PAH: variants seen among roughly 807,000 people sequenced by gnomAD.
PAH encodes the protein phenylalanine hydroxylase.
Under a neutral mutation model 62.0 loss-of-function variants are expected in PAH, and 64 were observed. The observed-to-expected ratio is 1.03, with a 90% CI of 0.84 to 1.27. PAH has a LOEUF of 1.27. PAH is among the 50% of genes most tolerant of loss of function. The pLI, the probability that PAH is intolerant of heterozygous loss-of-function variation, is 0.00. For synonymous variants in PAH, 195 were observed against 196.2 expected (o/e 0.99, Z 0.05); for missense variants, 579 against 542.8 (o/e 1.07, Z -0.66).
At position 102,957,514 on chromosome 12, in the gene PAH, G is replaced by A. The variant is rs924967696; in HGVS notation, c.-96+681C>T. Among the ~76,000 whole-genome samples, 5 of 151,176 alleles carry A rather than the reference G, an allele frequency of 3.3e-5. No homozygotes were observed. Among genetic ancestry groups the A allele is most frequent in the Non-Finnish European group, 5.9e-5 (4 of 67,720 alleles). Reference sequence around the variant, plus strand: ...GAGGGGGGGAGAGGAGAGGAGGAGGGGGAGTTTAGGGAGTGGGTGGGAGGA... The same window carrying A: ...GAGGGGGGGAGAGGAGAGGAGGAGGAGGAGTTTAGGGAGTGGGTGGGAGGA... On this transcript the variant is annotated intron_variant, in intron 1 of 4. Transcript: ENST00000551337. This position sits in a 1 kb window ranked among gnomAD's most constrained non-coding sequence, Gnocchi z 4.1.
At position 102,866,704 on chromosome 12, in the gene PAH, G is replaced by A. The variant is rs144652855; in HGVS notation, c.442-41C>T. On this transcript the variant is annotated intron_variant, in intron 4 of 12. Coordinates refer to ENST00000553106, the MANE Select transcript of PAH (RefSeq NM_000277.3). ...CACCTGATTTTTCAAGGCTTCATAG[G>A]AAGAGGTCTGGTACCTTTATGAATG... 11 of 1,495,644 alleles carry A rather than the reference G, an allele frequency of 7.4e-6. No individual in the cohort carries two copies. The African/African-American group carries it at 1.4e-4, about 19-fold the overall frequency. The allele number at this position is 1,495,644 out of a possible 1,614,324, so 92.6% of individuals were successfully genotyped here.
At position 102,866,831 on chromosome 12, in the gene PAH, T is replaced by C. The variant is rs1236652622; in HGVS notation, c.442-168A>G. 2.6e-5 allele frequency among the ~76,000 whole-genome samples: 4 copies of C among 152,332 alleles called. No homozygotes were observed. The East Asian group carries it at 7.7e-4, about 29-fold the overall frequency. ...TAAACTTAGCTCTCCTACCAGATAT[T>C]GTGAGTGACACCTTATTAGTAACTT... On this transcript the variant is annotated intron_variant, in intron 4 of 12. Coordinates refer to ENST00000553106, the MANE Select transcript of PAH (RefSeq NM_000277.3).
At chr12:102,933,066 CG>C (rs1161107965) in intron 1 of PAH, among the ~76,000 whole-genome samples, 3 of 152,128 alleles carry the variant, frequency 2.0e-5, no homozygotes, top group African/African-American at 4.8e-5. Flanking sequence ...AAATACTAGA[CG>C]TTTTTCATTC....
chr12:102,956,740 C>T (rs1433130366), intron 1 of PAH, among the ~76,000 whole-genome samples: 3 of 151,278 alleles, frequency 2.0e-5, no homozygotes, highest in Non-Finnish European at 4.4e-5. Context: ...CGGTAGGGGG[C>T]GATGGTACAG....
chr12:102,848,611 G>C (rs977549312), intron 8 of PAH, among the ~76,000 whole-genome samples: 4 of 150,844 alleles, frequency 2.7e-5, no homozygotes, highest in African/African-American at 9.8e-5. Flanking sequence ...GAGGTTGAGG[G>C]TAGACAAGAC....
rs536605300 is a variant in PAH, at chr12:102,917,119, C to T, written c.12G>A (p.Ala4=). ...TGCCCAAGCCTGGGTTTTCCAGGAC[C>T]GCAGTGGACATGCTGGCTCCCCGGG... MST[A]VLENPGLGRK... The change falls in exon 1 of 13, where the codon GCG becomes GCA. Residue 4 remains alanine (A), a synonymous_variant. Coordinates refer to ENST00000553106, the MANE Select transcript of PAH (RefSeq NM_000277.3). 5.6e-6 allele frequency: 9 copies of T among 1,614,182 alleles called. No homozygotes were observed. Among genetic ancestry groups the T allele is most frequent in the African/African-American group, 5.3e-5 (4 of 75,044 alleles).
chr12:102,947,401 C>A (rs1055132025), intron 1 of PAH, among the ~76,000 whole-genome samples: 2 of 152,086 alleles, frequency 1.3e-5, no homozygotes, highest in Admixed American at 1.3e-4. Context: ...CTTGATACAT[C>A]CATGGAATAT....
In PAH at chr12:102,837,772, C is replaced by T. The variant is rs1266774291; in HGVS notation, c.*1403G>A. On this transcript the variant is annotated 3_prime_UTR_variant, in exon 13 of 13. Coordinates refer to ENST00000553106, the MANE Select transcript of PAH (RefSeq NM_000277.3). ...CTAAAGAAGGGAAACAGCTTATCCACATTGACATCATTGGCAGTGGCAGAC... is the reference window on the plus strand; with the variant it reads ...CTAAAGAAGGGAAACAGCTTATCCATATTGACATCATTGGCAGTGGCAGAC... 5 of 152,318 alleles carry T rather than the reference C, an allele frequency of 3.3e-5. No homozygotes were observed. The highest frequency in any genetic ancestry group is 2.1e-4 in the South Asian group (1 of 4,832). 9.4% of individuals were successfully genotyped at this position (152,318 alleles called of 1,614,324 possible).
At chr12:102,864,350 T>C (rs1875854694) in intron 5 of PAH, among the ~76,000 whole-genome samples, 1 of 152,150 alleles carries the variant, frequency 6.6e-6, no homozygotes, top group South Asian at 2.1e-4. Flanking sequence ...GTTAATCTGA[T>C]TCGCACCAGC....
rs1362535766 is a variant in PAH at position 102,957,252 on chromosome 12, AG to A, written c.-96+942del. On this transcript the variant is annotated intron_variant, in intron 1 of 4. Coordinates refer to the PAH transcript ENST00000551337. The surrounding 1 kb of genome is among the most constrained non-coding windows in gnomAD (Gnocchi z 4.1). ...TCCCTGCGCTTTGCTTCAAGTTCTT[AG>A]TAGAATCCAAGAGAGCTTCACCCCA... Among the ~76,000 whole-genome samples, 1 of 152,100 alleles carries A rather than the reference AG, an allele frequency of 6.6e-6. No homozygotes were observed. Among genetic ancestry groups the A allele is most frequent in the Non-Finnish European group, 1.5e-5 (1 of 68,014 alleles).
chr12:102,857,344 T>G (rs1266097191), intron 5 of PAH, among the ~76,000 whole-genome samples: 3 of 152,208 alleles, frequency 2.0e-5, no homozygotes, highest in African/African-American at 7.2e-5. Context: ...AATCTACATC[T>G]GATCGGTGTA....
chr12:102,851,905 G>A, intron 7 of PAH, 149 bp from the exon 8 acceptor site: 1 of 664,280 alleles, frequency 1.5e-6, no homozygotes, highest in Non-Finnish European at 2.7e-6. Flanking sequence ...ATATGCAGAG[G>A]TTGGGATCAT....
chr12:102,943,907 T>C (rs1345052811), intron 1 of PAH, among the ~76,000 whole-genome samples: 1 of 152,046 alleles, frequency 6.6e-6, no homozygotes, highest in Non-Finnish European at 1.5e-5. Context: ...AGGGTGAGGA[T>C]TGAAAAATTA....
At chr12:102,914,569 C>T (rs1187627838) in intron 1 of PAH, 1 of 152,204 alleles carries the variant, frequency 6.6e-6, no homozygotes, top group Non-Finnish European at 1.5e-5. Flanking sequence ...CCTTTTAAAC[C>T]CTGCCAGAGA....
intron 8 of PAH, among the ~76,000 whole-genome samples, chr12:102,848,822 TAG>T (rs896699009): frequency 2.7e-5 from 4 of 146,414 alleles, no homozygotes; most frequent in African/African-American, 1.0e-4. Context: ...AGGCTGAGTG[TAG>T]ACACAATACC....
Position 102,878,302 on chromosome 12 carries a change from C to T in PAH, c.353-752G>A, listed in dbSNP as rs368396481. Among the ~76,000 whole-genome samples, 365 of 152,294 alleles carry T rather than the reference C, an allele frequency of 2.4e-3. 3 individuals are homozygous for T. In the South Asian group the frequency reaches 0.036, roughly 15 times the overall value. ...GCCAGTTAGAAAGCCGTTGTTGAAGCAGAGTGAACAGAGTCAGATAGTTGG... is the reference window on the plus strand; with the variant it reads ...GCCAGTTAGAAAGCCGTTGTTGAAGTAGAGTGAACAGAGTCAGATAGTTGG... On this transcript the variant is annotated intron_variant, in intron 3 of 12. Transcript: ENST00000553106.
In PAH at chr12:102,893,239, A is replaced by G. The variant is rs1043391438; in HGVS notation, c.352+1496T>C. ...ACATGGTGAAATCCCGTCTCTATGG[A>G]AAATACAAAAATTAGCCAGGCGTGG... is the stretch of plus-strand genomic sequence containing the variant. On this transcript the variant is annotated intron_variant, in intron 3 of 12. Coordinates refer to ENST00000553106, the MANE Select transcript of PAH (RefSeq NM_000277.3). Among the ~76,000 whole-genome samples, 4 of 152,148 alleles carry G rather than the reference A, an allele frequency of 2.6e-5. No individual in the cohort carries two copies. In the East Asian group the frequency reaches 5.8e-4, roughly 22 times the overall value.
chr12:102,955,999 C>T (rs939257656), intron 1 of PAH, among the ~76,000 whole-genome samples: 5 of 152,194 alleles, frequency 3.3e-5, no homozygotes, highest in African/African-American at 1.2e-4. Context: ...CCCGTCATTA[C>T]TGCCCACCAT....
intron 2 of PAH, among the ~76,000 whole-genome samples, chr12:102,907,824 G>A (rs1205002692): frequency 6.6e-6 from 1 of 151,968 alleles, no homozygotes; most frequent in Non-Finnish European, 1.5e-5. Context: ...TCGCCATTTT[G>A]GCCAGGCTGG....
Sources: allele counts gnomAD v4.1 joint callset (sites outside exome capture counted in the v4.1 genomes callset), GRCh38; gene constraint gnomAD v4.1.1; non-coding constraint Gnocchi (gnomAD v3.1); transcripts MANE v1.5; gene names NCBI Gene and HGNC (gene_info 2026-07-23, HGNC 2026-07-21).